Variants in PCDH7 observed in about 807,000 individuals in gnomAD.
PCDH7 encodes the protein protocadherin-7.
A neutral mutation model predicts 58.9 loss-of-function variants in PCDH7; 17 were observed. That is an observed-to-expected ratio of 0.29 (90% CI 0.20 to 0.43). PCDH7 has a LOEUF of 0.43. Ranked by LOEUF, PCDH7 falls within the 20% of genes least tolerant of loss-of-function variation. PCDH7 has a pLI of 1.00. For synonymous variants in PCDH7, 664 were observed against 616.4 expected (o/e 1.08, Z -1.14); for missense variants, 1,274 against 1,441.0 (o/e 0.88, Z 1.88).
chr4:31,026,442 C>G (rs1182934634), intron 3 of PCDH7, among the ~76,000 whole-genome samples: 2 of 152,166 alleles, frequency 1.3e-5, no homozygotes, highest in Non-Finnish European at 2.9e-5. Context: ...AATGAGCATA[C>G]TGTTACAACA....
intron 3 of PCDH7, among the ~76,000 whole-genome samples, chr4:31,119,332 G>A (rs1717370255): frequency 6.6e-6 from 1 of 152,058 alleles, no homozygotes; most frequent in South Asian, 2.1e-4. Context: ...TCTGTCATAG[G>A]TCTGTAACCA....
chr4:31,079,864 G>T (rs1420523107), intron 3 of PCDH7, among the ~76,000 whole-genome samples: 1 of 151,810 alleles, frequency 6.6e-6, no homozygotes, highest in Non-Finnish European at 1.5e-5. Context: ...GAGCAAACTA[G>T]AAATAGAGGA....
chr4:30,763,594 G>A (rs892571384), intron 1 of PCDH7, among the ~76,000 whole-genome samples: 8 of 152,298 alleles, frequency 5.3e-5, no homozygotes, highest in African/African-American at 1.9e-4. Flanking sequence ...TAGCTGTCTA[G>A]TCAGAAGTAG....
rs567251013 is a variant in PCDH7 at position 30,826,242 on chromosome 4, G to A, written c.71-93911G>A. 6.6e-5 allele frequency among the ~76,000 whole-genome samples: 10 copies of A among 152,190 alleles called. No individual in the cohort carries two copies. In the East Asian group the frequency reaches 1.4e-3, roughly 21 times the overall value. ...ATCATAAATATTCATTACAAATTTC[G>A]TGAAAGGGAAGCAGAACTGATAGAA... On this transcript the variant is annotated intron_variant, in intron 1 of 3. Transcript: ENST00000509759.
intron 1 of PCDH7, among the ~76,000 whole-genome samples, chr4:30,746,185 C>T (rs752437163): frequency 2.0e-5 from 3 of 152,158 alleles, no homozygotes; most frequent in Non-Finnish European, 4.4e-5. Context: ...AGACTCTCAC[C>T]TCGAGGAAAT....
intron 1 of PCDH7, among the ~76,000 whole-genome samples, chr4:30,879,990 A>T (rs1736760278): frequency 6.6e-6 from 1 of 151,966 alleles, no homozygotes. Flanking sequence ...GATTCCCTAA[A>T]CCCCACTCAT....
At chr4:30,753,785 G>C (rs1434226708) in intron 1 of PCDH7, among the ~76,000 whole-genome samples, 1 of 152,048 alleles carries the variant, frequency 6.6e-6, no homozygotes, top group African/African-American at 2.4e-5. Flanking sequence ...TTGTGATAGA[G>C]CCTTTTTTTA....
In PCDH7 at chr4:30,848,114, G is replaced by A. The variant is rs565661790; in HGVS notation, c.71-72039G>A. The stretch of plus-strand genomic sequence containing the variant: ...AATAGATTATTTGTATACACTATAA[G>A]CACAAGTTTATGCAGTTGTGCAATC... On this transcript the variant is annotated intron_variant, in intron 1 of 3. Coordinates refer to the PCDH7 transcript ENST00000509759. Among the ~76,000 whole-genome samples the A allele has an allele frequency of 3.3e-5, 5 of 152,170 alleles. No homozygotes were observed. The South Asian group carries it at 1.0e-3, about 32-fold the overall frequency.
intron 1 of PCDH7, among the ~76,000 whole-genome samples, chr4:30,775,611 A>G (rs1401464238): frequency 6.6e-6 from 1 of 152,136 alleles, no homozygotes; most frequent in Non-Finnish European, 1.5e-5. Context: ...CAGCTATTAT[A>G]AGATATGAGT....
chr4:30,729,377 G>T (rs1715139582), intron 1 of PCDH7, among the ~76,000 whole-genome samples: 1 of 151,862 alleles, frequency 6.6e-6, no homozygotes, highest in Admixed American at 6.6e-5. Context: ...TTAGGCTCCA[G>T]TTCTTCTGTG....
intron 3 of PCDH7, among the ~76,000 whole-genome samples, chr4:30,988,236 G>C (rs955660328): frequency 2.6e-5 from 4 of 152,180 alleles, no homozygotes; most frequent in African/African-American, 9.7e-5. Flanking sequence ...GCATACTGCA[G>C]AAAACACATT....
chr4:31,050,154 A>G (rs548462409), intron 3 of PCDH7, among the ~76,000 whole-genome samples: 1 of 152,266 alleles, frequency 6.6e-6, no homozygotes, highest in South Asian at 2.1e-4. Flanking sequence ...CTTCAAGAAT[A>G]TGCTTCAGCA....
At chr4:31,129,691 G>A (rs1043532436) in intron 3 of PCDH7, among the ~76,000 whole-genome samples, 1 of 152,064 alleles carries the variant, frequency 6.6e-6, no homozygotes, top group African/African-American at 2.4e-5. Flanking sequence ...GGAATGTAAT[G>A]GTGCAATCTC....
intron 1 of PCDH7, among the ~76,000 whole-genome samples, chr4:30,906,634 T>C (rs1269373318): frequency 6.6e-6 from 1 of 152,214 alleles, no homozygotes; most frequent in Non-Finnish European, 1.5e-5. Flanking sequence ...GAGATATATT[T>C]GGTTCAATAG....
chr4:30,752,953 TAAA>T (rs1718766906), intron 1 of PCDH7, among the ~76,000 whole-genome samples: 1 of 152,158 alleles, frequency 6.6e-6, no homozygotes, highest in African/African-American at 2.4e-5. Context: ...GTAACCCAGT[TAAA>T]AATATTAGAC....
chr4:30,875,680 T>C (rs1736198402), intron 1 of PCDH7, among the ~76,000 whole-genome samples: 3 of 152,124 alleles, frequency 2.0e-5, no homozygotes, highest in Admixed American at 1.3e-4. Flanking sequence ...TGGGTCATGT[T>C]AGAATTCATG....
chr4:31,064,655 C>T (rs1757937755), intron 3 of PCDH7, among the ~76,000 whole-genome samples: 1 of 151,886 alleles, frequency 6.6e-6, no homozygotes, highest in Admixed American at 6.6e-5. Flanking sequence ...TTTCTGTCCT[C>T]ACGTGATGTT....
chr4:30,931,218 A>G (rs1744537560), intron 2 of PCDH7, among the ~76,000 whole-genome samples: 1 of 152,140 alleles, frequency 6.6e-6, no homozygotes, highest in East Asian at 1.9e-4. Flanking sequence ...CTACCGTTGC[A>G]TGATACTTCT....
At chr4:31,038,822 C>T (rs1755619268) in intron 3 of PCDH7, among the ~76,000 whole-genome samples, 1 of 152,132 alleles carries the variant, frequency 6.6e-6, no homozygotes, top group Non-Finnish European at 1.5e-5. Context: ...TATCAATGCT[C>T]TTACCTACAC....
Sources: gnomAD v4.1 joint callset for allele counts (sites outside exome capture counted in the v4.1 genomes callset) on GRCh38, gnomAD v4.1.1 for gene constraint, MANE v1.5 for transcripts, NCBI Gene and HGNC (gene_info 2026-07-23, HGNC 2026-07-21) for gene names.